Variants in TJP1 observed in about 807,000 individuals in gnomAD.
TJP1 encodes tight junction protein ZO-1.
In TJP1, 43 loss-of-function variants were observed where a neutral mutation model predicts 194.2. The ratio of observed to expected loss-of-function variants is 0.22; its 90% CI spans 0.17 to 0.29. The LOEUF (loss-of-function observed/expected upper bound fraction) is 0.29, where lower values mean the gene tolerates loss of function less well. TJP1 is among the 10% of genes least tolerant of loss of function. The pLI is 1.00. For synonymous variants in TJP1, 801 were observed against 779.0 expected (o/e 1.03, Z -0.47); for missense variants, 1,971 against 2,185.7 (o/e 0.90, Z 1.96).
At chr15:29,926,110 A>C (rs1718990) in intron 2 of TJP1, among the ~76,000 whole-genome samples, 21 of 152,184 alleles carry the variant, frequency 1.4e-4, no homozygotes, top group African/African-American at 4.1e-4. Flanking sequence ...CAACAGACTT[A>C]ATGAAAACCA....
intron 2 of TJP1, among the ~76,000 whole-genome samples, chr15:29,858,234 C>T (rs980268448): frequency 2.6e-5 from 4 of 152,046 alleles, no homozygotes; most frequent in African/African-American, 9.7e-5. Context: ...AACTTCGTCT[C>T]TATAAAAAAT....
chr15:29,722,008 G>T, intron 18 of TJP1, among the ~76,000 whole-genome samples: 1 of 152,196 alleles, frequency 6.6e-6, no homozygotes, highest in East Asian at 1.9e-4. Flanking sequence ...GTGTTCATAT[G>T]TGTGCACAAA....
At chr15:29,789,473 C>T (rs934840293) in intron 2 of TJP1, among the ~76,000 whole-genome samples, 3 of 151,918 alleles carry the variant, frequency 2.0e-5, no homozygotes, top group African/African-American at 7.3e-5. Flanking sequence ...CCAGGGCCCA[C>T]AAGAGTACAA....
chr15:29,966,532 T>A (rs12902413), intron 1 of TJP1, among the ~76,000 whole-genome samples: 145,362 of 152,098 alleles, frequency 0.96, 69,574 homozygotes, highest in East Asian at 1. Flanking sequence ...AAATAATAAA[T>A]AATTTTAAAC....
At chr15:29,899,751 G>A (rs545073602) in intron 2 of TJP1, among the ~76,000 whole-genome samples, 2 of 152,276 alleles carry the variant, frequency 1.3e-5, no homozygotes, top group African/African-American at 4.8e-5. Context: ...GTTAGTCCCT[G>A]AAGAAAATCA....
chr15:29,949,847 ACCACCTCCACAACCACCACCT>A (rs1167229431), intron 2 of TJP1, among the ~76,000 whole-genome samples: 28 of 43,262 alleles, frequency 6.5e-4, no homozygotes, highest in Non-Finnish European at 8.1e-4. Flanking sequence ...CTCCACAACC[ACCACCTCCACAACCACCACCT>A]CCACCTCCAC....
chr15:29,793,721 A>G (rs548977516), intron 2 of TJP1, among the ~76,000 whole-genome samples: 1 of 152,280 alleles, frequency 6.6e-6, no homozygotes, highest in African/African-American at 2.4e-5. Flanking sequence ...CACTCCTATG[A>G]TCCAATCACG....
intron 24 of TJP1, among the ~76,000 whole-genome samples, chr15:29,709,822 T>C (rs1472219538): frequency 2.0e-5 from 3 of 152,144 alleles, no homozygotes; most frequent in Non-Finnish European, 4.4e-5. Flanking sequence ...TCAGAGTTTA[T>C]TGGAGGTCCT....
rs549402853 is a variant in TJP1 at position 29,909,167 on chromosome 15, A to G, written c.306+47065T>C. On this transcript the variant is annotated intron_variant, in intron 2 of 28. Transcript: ENST00000356107. ...GGGAGACTCCATCTCAAAAAAAAAA[A>G]AAAAGAAAAGAAAAAGAAAAATTAG... 3.9e-3 allele frequency among the ~76,000 whole-genome samples: 580 copies of G among 149,010 alleles called. 4 individuals carry two copies. Among genetic ancestry groups the G allele is most frequent in the African/African-American group, 0.013 (547 of 40,652 alleles).
At chr15:29,743,235 A>G (rs898266510) in intron 8 of TJP1, among the ~76,000 whole-genome samples, 1 of 152,230 alleles carries the variant, frequency 6.6e-6, no homozygotes. Context: ...ATGAAGCCAC[A>G]GTATATCAAC....
intron 2 of TJP1, among the ~76,000 whole-genome samples, chr15:29,828,908 G>T (rs868088981): frequency 6.6e-6 from 1 of 151,696 alleles, no homozygotes; most frequent in Non-Finnish European, 1.5e-5. Context: ...TAGGTTTTTT[G>T]TTTGTTTGTT....
At chr15:29,836,216 C>T (rs1418867849) in intron 2 of TJP1, among the ~76,000 whole-genome samples, 1 of 152,060 alleles carries the variant, frequency 6.6e-6, no homozygotes, top group African/African-American at 2.4e-5. Context: ...CCAGTTTCAA[C>T]TGGACTTACT....
At chr15:29,862,261 T>C (rs577407922) in intron 2 of TJP1, among the ~76,000 whole-genome samples, 1 of 152,184 alleles carries the variant, frequency 6.6e-6, no homozygotes, top group South Asian at 2.1e-4. Context: ...AAAAAGAACA[T>C]ACAGAGAAAG....
At chr15:29,800,580 C>T (rs1026916742) in intron 2 of TJP1, 66 bp downstream of exon 2, 1 of 1,531,134 alleles carries the variant, frequency 6.5e-7, no homozygotes, top group East Asian at 2.3e-5. Context: ...TGGCTTTCCT[C>T]TATTGTTTTC....
chr15:29,894,347 T>C (rs547975879), intron 2 of TJP1, among the ~76,000 whole-genome samples: 2 of 152,244 alleles, frequency 1.3e-5, no homozygotes, highest in South Asian at 2.1e-4. Context: ...TAGTCTCAGC[T>C]ACCTGGGAGA....
At chr15:29,726,746 G>T (rs570969711) in intron 17 of TJP1, 35 bp downstream of exon 17, 56 of 1,592,600 alleles carry the variant, frequency 3.5e-5, no homozygotes, top group Non-Finnish European at 4.6e-5. Context: ...CCCAGACATT[G>T]TAAGCTGAAA....
intron 2 of TJP1, among the ~76,000 whole-genome samples, chr15:29,848,084 G>A (rs896726725): frequency 4.6e-5 from 7 of 151,204 alleles, no homozygotes; most frequent in African/African-American, 1.5e-4. Flanking sequence ...CATGATTACA[G>A]TTATTTTAAA....
At chr15:29,809,754 G>C (rs919967926) in intron 1 of TJP1, among the ~76,000 whole-genome samples, 43 of 152,010 alleles carry the variant, frequency 2.8e-4, no homozygotes, top group Admixed American at 2.8e-3. Context: ...GCTGAGGCAG[G>C]AGAATCCCTT....
chr15:29,876,804 T>G (rs552904566), intron 2 of TJP1, among the ~76,000 whole-genome samples: 2 of 152,170 alleles, frequency 1.3e-5, no homozygotes, highest in Non-Finnish European at 2.9e-5. Flanking sequence ...CCGGGTGCAA[T>G]GTAACATCAG....
Sources: allele counts gnomAD v4.1 joint callset (sites outside exome capture counted in the v4.1 genomes callset), GRCh38; gene constraint gnomAD v4.1.1; transcripts MANE v1.5; gene names NCBI Gene and HGNC (gene_info 2026-07-23, HGNC 2026-07-21).